Variants in ZNF32 observed in about 807,000 individuals in gnomAD.
ZNF32 encodes the protein zinc finger protein 32, also known as C2H2-546.
In ZNF32, 13 loss-of-function variants were observed where a neutral mutation model predicts 24.4. That is an observed-to-expected ratio of 0.53 (90% confidence interval 0.35 to 0.85). The LOEUF (loss-of-function observed/expected upper bound fraction) is 0.85. Among genes scored for constraint, ZNF32 ranks in the 40% least tolerant of loss-of-function variants. The probability of loss-of-function intolerance (pLI) is 0.01; values close to 1 mark genes in which losing one functional copy is unlikely to be tolerated. For synonymous variants in ZNF32, 115 were observed against 117.4 expected (o/e 0.98, Z 0.13); for missense variants, 239 against 325.3 (o/e 0.73, Z 2.04).
At chr10:43,646,805 A>G (rs930967184) in intron 1 of ZNF32, among the ~76,000 whole-genome samples, 4 of 152,228 alleles carry the variant, frequency 2.6e-5, no homozygotes, top group Admixed American at 2.6e-4. Flanking sequence ...TCTGGACTCC[A>G]AGCCCAAGGC....
Position 43,644,255 on chromosome 10 carries a change from A to C in ZNF32, c.617T>G (p.Val206Gly). 6.2e-7 allele frequency: 1 copy of C among 1,614,184 alleles called. No individual in the cohort carries two copies. Among genetic ancestry groups the C allele is most frequent in the Non-Finnish European group, 8.5e-7 (1 of 1,180,030 alleles). The change falls in exon 3 of 3, where the codon GTT becomes GGT. Residue 206 changes from valine to glycine, a missense_variant. Val to Gly is a moderately radical substitution (Grantham distance 109, BLOSUM62 -3). Transcript: ENST00000374433. This position sits in a 1 kb window ranked among gnomAD's most constrained non-coding sequence, Gnocchi z 5.3. The part of the protein sequence containing the change: ...KAFSQKGSLI[V>G]HIRVHTGLKP... ...CAGGCCTGTGTGGACTCTGATGTGA[A>C]CAATTAAGCTTCCTTTCTGACTGAA...
Position 43,644,687 on chromosome 10 carries a change from G to T in ZNF32, c.185C>A (p.Ser62Ter). ...REKLEQKSPD[S>*]KTLQEDSPGV... ...AGGTGAATCTTCCTGTAGTGTCTTC[G>T]AATCTGGGGATTTTTGTTCCAGCTT... The change falls in exon 3 of 3, where the codon TCG becomes TAG. Residue 62 changes from serine (S) to a stop codon, truncating the protein, a stop_gained. Coordinates refer to ENST00000374433, the MANE Select transcript of ZNF32 (RefSeq NM_006973.3). LOFTEE classifies it high-confidence loss of function. The surrounding 1 kb of genome is among the most constrained non-coding windows in gnomAD (Gnocchi z 5.3). The T allele has an allele frequency of 1.2e-6, 2 of 1,614,110 alleles. No homozygotes were observed. Among genetic ancestry groups the T allele is most frequent in the Non-Finnish European group, 1.7e-6 (2 of 1,180,022 alleles).
chr10:43,644,316 C>T lies in ZNF32; in HGVS notation c.556G>A (p.Glu186Lys). ...CACTGATCACATCTATAGGGCTTCT[C>T]ACCACTGTGAACTCTCCTGTGAACA... is the stretch of plus-strand genomic sequence containing the variant. The part of the protein sequence containing the change: ...LAVHRRVHSG[E>K]KPYRCDQCGK... The change falls in exon 3 of 3, where the codon GAG becomes AAG. Residue 186 changes from glutamate (E) to lysine (K), a missense_variant. By Grantham distance (56) the Glu-to-Lys change is moderately conservative (BLOSUM62 1). Transcript: ENST00000374433. The surrounding 1 kb of genome is among the most constrained non-coding windows in gnomAD (Gnocchi z 5.3). The T allele has an allele frequency of 1.9e-6, 3 of 1,614,210 alleles. No individual in the cohort carries two copies. The highest frequency in any genetic ancestry group is 1.7e-6 in the Non-Finnish European group (2 of 1,180,024).
In ZNF32 at chr10:43,643,989, C is replaced by T; in HGVS notation, c.*61G>A. ...TCATTCCATAGAACTGGATAGGTTG[C>T]TTCATCTCAGAGGATTTTGTACTCT... On this transcript the variant is annotated 3_prime_UTR_variant, in exon 3 of 3. Transcript: ENST00000374433. The T allele has an allele frequency of 6.6e-7, 1 of 1,514,400 alleles. No homozygotes were observed. The highest frequency in any genetic ancestry group is 2.1e-5 in the Admixed American group (1 of 46,650). The allele number at this position is 1,514,400 out of a possible 1,614,324, so 93.8% of individuals were successfully genotyped here. A position where few individuals can be genotyped will look rare whatever the true frequency, so the allele number is the denominator to read the frequency against.
At chr10:43,648,104 T>A (rs1839380260) in intron 1 of ZNF32, 1 of 152,216 alleles carries the variant, frequency 6.6e-6, no homozygotes, top group Admixed American at 6.5e-5. Context: ...GGATATGATC[T>A]TGGGCGAGTA....
chr10:43,644,871 A>G lies in ZNF32; in HGVS notation c.71-70T>C. 1 of 1,497,268 alleles carries G rather than the reference A, an allele frequency of 6.7e-7. No individual in the cohort carries two copies. The highest frequency in any genetic ancestry group is 8.9e-7 in the Non-Finnish European group (1 of 1,117,408). The allele number at this position is 1,497,268 out of a possible 1,614,324, so 92.7% of individuals were successfully genotyped here. ...TGAGTTAGAATAGGGAAAAAGAAAC[A>G]TAATACTTTGAGTGCTTATGATGTG... On this transcript the variant is annotated intron_variant, in intron 2 of 2. Transcript: ENST00000374433. This position sits in a 1 kb window ranked among gnomAD's most constrained non-coding sequence, Gnocchi z 5.3.
Position 43,645,809 on chromosome 10 carries a change from CAG to C in ZNF32, c.70+253_70+254del, listed in dbSNP as rs1429416486. The C allele has an allele frequency of 1.7e-5, 9 of 535,700 alleles. No individual in the cohort carries two copies. The East Asian group carries it at 4.4e-4, about 26-fold the overall frequency. 33.2% of individuals were successfully genotyped at this position (535,700 alleles called of 1,614,324 possible). On this transcript the variant is annotated intron_variant, in intron 2 of 2. Transcript: ENST00000374433. ...CTTGTTCCCTTGCCTTATTCAGAGA[CAG>C]TGCTGAGATTTAAGCTGCTCATTCA...
In ZNF32 at chr10:43,644,144, G is replaced by T. The variant is rs762264031; in HGVS notation, c.728C>A (p.Thr243Lys). 6.2e-7 allele frequency: 1 copy of T among 1,614,220 alleles called. No individual in the cohort carries two copies. The highest frequency in any genetic ancestry group is 1.1e-5 in the South Asian group (1 of 91,086). The change falls in exon 3 of 3, where the codon ACA becomes AAA. Residue 243 changes from threonine (T) to lysine (K), a missense_variant. Thr to Lys is a moderately conservative substitution (Grantham distance 78). Coordinates refer to ENST00000374433, the MANE Select transcript of ZNF32 (RefSeq NM_006973.3). This position sits in a 1 kb window ranked among gnomAD's most constrained non-coding sequence, Gnocchi z 5.3. ...ILHGKIHTGE[T>K]PYLCGQCGKS... ...TCCACACTGGCCGCACAGATAGGGT[G>T]TCTCTCCTGTGTGGATTTTGCCATG...
intron 2 of ZNF32, among the ~76,000 whole-genome samples, chr10:43,645,416 T>G (rs961457886): frequency 1.3e-5 from 2 of 152,228 alleles, no homozygotes; most frequent in African/African-American, 4.8e-5. Flanking sequence ...AGCACAATCC[T>G]GGGTACTTTA....
intron 1 of ZNF32, chr10:43,647,152 G>C (rs998324043): frequency 2.0e-5 from 3 of 152,078 alleles, no homozygotes; most frequent in Non-Finnish European, 4.4e-5. Flanking sequence ...CTGTGACTTT[G>C]AACTCCTGGA....
chr10:43,644,337 G>C lies in ZNF32; in HGVS notation c.535C>G (p.His179Asp), dbSNP rs1454502328. The change falls in exon 3 of 3, where the codon CAC (histidine) becomes GAC (aspartate). Residue 179 changes from histidine (H) to aspartate (D), a missense_variant. By Grantham distance (81) the His-to-Asp change is moderately conservative (BLOSUM62 -1). Coordinates refer to ENST00000374433, the MANE Select transcript of ZNF32 (RefSeq NM_006973.3). The surrounding 1 kb of genome is among the most constrained non-coding windows in gnomAD (Gnocchi z 5.3). Reference protein sequence around the residue: ...SFRNQSNLAVHRRVHSGEKPY... With the variant: ...SFRNQSNLAVDRRVHSGEKPY... ...TTCTCACCACTGTGAACTCTCCTGTGAACAGCAAGGTTACTCTGATTCCTG... is the reference window on the plus strand; with the variant it reads ...TTCTCACCACTGTGAACTCTCCTGTCAACAGCAAGGTTACTCTGATTCCTG... 1.2e-6 allele frequency: 2 copies of C among 1,614,002 alleles called. No homozygotes were observed. Among genetic ancestry groups the C allele is most frequent in the Non-Finnish European group, 1.7e-6 (2 of 1,179,924 alleles).
rs1053296405 is a variant in ZNF32, at chr10:43,644,954, T to C, written c.71-153A>G. The C allele has an allele frequency of 1.1e-6, 1 of 886,942 alleles. No individual in the cohort carries two copies. Among genetic ancestry groups the C allele is most frequent in the Non-Finnish European group, 1.7e-6 (1 of 599,964 alleles). 54.9% of individuals were successfully genotyped at this position (886,942 alleles called of 1,614,324 possible). Reference sequence around the variant, plus strand: ...CCTGAAAACAATGCCATGAGAGTGATACAGATAATGGGAGCAAAGGGAGCC... The same window carrying C: ...CCTGAAAACAATGCCATGAGAGTGACACAGATAATGGGAGCAAAGGGAGCC... On this transcript the variant is annotated intron_variant, in intron 2 of 2. Coordinates refer to ENST00000374433, the MANE Select transcript of ZNF32 (RefSeq NM_006973.3). The surrounding 1 kb of genome is among the most constrained non-coding windows in gnomAD (Gnocchi z 5.3).
At position 43,644,484 on chromosome 10, in the gene ZNF32, C is replaced by CTCCCG. The variant is rs1178577022; in HGVS notation, c.383_387dup (p.Glu130ArgfsTer77). ...CACTCCTTGCACTGATAAGGCTTCT[C>CTCCCG]TCCCGTGTGTATCCGTTGATGTGTA... On this transcript the variant is annotated frameshift_variant, in exon 3 of 3. Transcript: ENST00000374433. LOFTEE classifies it high-confidence loss of function. This position sits in a 1 kb window ranked among gnomAD's most constrained non-coding sequence, Gnocchi z 5.3. The CTCCCG allele has an allele frequency of 1.2e-6, 2 of 1,614,064 alleles. No individual in the cohort carries two copies. The highest frequency in any genetic ancestry group is 1.7e-6 in the Non-Finnish European group (2 of 1,180,046).
In ZNF32 at chr10:43,644,856, T is replaced by C; in HGVS notation, c.71-55A>G. ...AAGCACCAATAATGCTGAGTTAGAATAGGGAAAAAGAAACATAATACTTTG... is the reference window on the plus strand; with the variant it reads ...AAGCACCAATAATGCTGAGTTAGAACAGGGAAAAAGAAACATAATACTTTG... On this transcript the variant is annotated intron_variant, in intron 2 of 2. Coordinates refer to ENST00000374433, the MANE Select transcript of ZNF32 (RefSeq NM_006973.3). The surrounding 1 kb of genome is among the most constrained non-coding windows in gnomAD (Gnocchi z 5.3). The C allele has an allele frequency of 6.6e-7, 1 of 1,524,952 alleles. No homozygotes were observed. Among genetic ancestry groups the C allele is most frequent in the African/African-American group, 1.4e-5 (1 of 71,900 alleles). 94.5% of individuals were successfully genotyped at this position (1,524,952 alleles called of 1,614,324 possible). A position where few individuals can be genotyped will look rare whatever the true frequency, so the allele number is the denominator to read the frequency against.
At position 43,644,825 on chromosome 10, in the gene ZNF32, T is replaced by C. The variant is rs776334686; in HGVS notation, c.71-24A>G. On this transcript the variant is annotated intron_variant, in intron 2 of 2. Transcript: ENST00000374433. The surrounding 1 kb of genome is among the most constrained non-coding windows in gnomAD (Gnocchi z 5.3). ...ATCTGATAAAATGAGAGGGAAGTCA[T>C]ATAAGAAGCACCAATAATGCTGAGT... is the stretch of plus-strand genomic sequence containing the variant. The C allele has an allele frequency of 1.3e-6, 2 of 1,557,538 alleles. No individual in the cohort carries two copies. The highest frequency in any genetic ancestry group is 1.7e-6 in the Non-Finnish European group (2 of 1,156,934).
chr10:43,644,190 T>C lies in ZNF32; in HGVS notation c.682A>G (p.Thr228Ala), dbSNP rs1406885132. 1 of 1,614,104 alleles carries C rather than the reference T, an allele frequency of 6.2e-7. No homozygotes were observed. The highest frequency in any genetic ancestry group is 8.5e-7 in the Non-Finnish European group (1 of 1,180,052). ...ACTQCRKSFH[T>A]RGNCILHGKI... ...CCATGCAGAATACAATTCCCCCTGGTGTGGAAACTCTTCCTGCACTGGGTA... is the reference window on the plus strand; with the variant it reads ...CCATGCAGAATACAATTCCCCCTGGCGTGGAAACTCTTCCTGCACTGGGTA... Residue 228 changes from threonine (T) to alanine (A), a missense_variant, in exon 3 of 3, where the codon ACC (threonine) becomes GCC (alanine). Physicochemically the swap from Thr to Ala is moderately conservative, Grantham distance 58. Transcript: ENST00000374433. This position sits in a 1 kb window ranked among gnomAD's most constrained non-coding sequence, Gnocchi z 5.3.
At chr10:43,646,600 T>A (rs1375072916) in intron 1 of ZNF32, among the ~76,000 whole-genome samples, 1 of 152,254 alleles carries the variant, frequency 6.6e-6, no homozygotes, top group African/African-American at 2.4e-5. Context: ...TCAGCCTTCA[T>A]GATTGGTTGG....
Position 43,644,996 on chromosome 10 carries a change from G to A in ZNF32, c.71-195C>T. ...AAGGGAGCCTGTCAAAGGTCACAGA[G>A]CTAGGTAAGTTAGAGCTGACTCAAA... On this transcript the variant is annotated intron_variant, in intron 2 of 2. Coordinates refer to ENST00000374433, the MANE Select transcript of ZNF32 (RefSeq NM_006973.3). The surrounding 1 kb of genome is among the most constrained non-coding windows in gnomAD (Gnocchi z 5.3). 1.6e-6 allele frequency: 1 copy of A among 634,478 alleles called. No individual in the cohort carries two copies. The allele number at this position is 634,478 out of a possible 1,614,324, so 39.3% of individuals were successfully genotyped here.
chr10:43,648,211 G>A (rs933612608), intron 1 of ZNF32, among the ~76,000 whole-genome samples: 1 of 152,174 alleles, frequency 6.6e-6, no homozygotes, highest in Non-Finnish European at 1.5e-5. Context: ...CAAACAAGAG[G>A]AGTATCAGAC....
Sources: allele counts gnomAD v4.1 joint callset (sites outside exome capture counted in the v4.1 genomes callset), GRCh38; gene constraint gnomAD v4.1.1; non-coding constraint Gnocchi (gnomAD v3.1); transcripts MANE v1.5; gene names NCBI Gene and HGNC (gene_info 2026-07-23, HGNC 2026-07-21).